SLC44A5: variants seen among roughly 807,000 people sequenced by gnomAD.
SLC44A5 encodes choline transporter-like protein 5.
A neutral mutation model predicts 101.8 loss-of-function variants in SLC44A5; 57 were observed. The ratio of observed to expected loss-of-function variants is 0.56; its 90% CI spans 0.45 to 0.70. The LOEUF (loss-of-function observed/expected upper bound fraction) is 0.70. SLC44A5 is among the 30% of genes least tolerant of loss of function. The pLI is 0.00. For synonymous variants in SLC44A5, 281 were observed against 290.9 expected, an observed-to-expected ratio of 0.97 and a Z score of 0.35; for missense variants, 737 against 853.1, an observed-to-expected ratio of 0.86 and a Z score of 1.70.
At chr1:75,392,665 G>T (rs1661868709) in intron 3 of SLC44A5, among the ~76,000 whole-genome samples, 1 of 152,022 alleles carries the variant, frequency 6.6e-6, no homozygotes, top group South Asian at 2.1e-4. Flanking sequence ...TATATCCAAA[G>T]GAAAAGAAAT....
the SLC44A5 span, among the ~76,000 whole-genome samples, chr1:75,647,118 G>A: frequency 6.6e-6 from 1 of 152,184 alleles, no homozygotes; most frequent in Non-Finnish European, 1.5e-5. Flanking sequence ...CTTGGGCCAG[G>A]CCCAAGGCTT....
chr1:75,485,430 C>T (rs1327306453), intron 2 of SLC44A5, among the ~76,000 whole-genome samples: 1 of 152,192 alleles, frequency 6.6e-6, no homozygotes, highest in Non-Finnish European at 1.5e-5. Context: ...GAAGAGTGAC[C>T]TTTGCTCCAG....
At chr1:75,473,218 G>A (rs1332995297) in intron 2 of SLC44A5, among the ~76,000 whole-genome samples, 1 of 152,184 alleles carries the variant, frequency 6.6e-6, no homozygotes, top group Admixed American at 6.5e-5. Context: ...CTACATGGGA[G>A]TTCCAGAGGG....
intron 12 of SLC44A5, among the ~76,000 whole-genome samples, chr1:75,228,597 C>T (rs1264278294): frequency 1.3e-5 from 2 of 151,726 alleles, no homozygotes; most frequent in Admixed American, 6.6e-5. Context: ...CTTAATTTTG[C>T]TTTTCGTATT....
intron 4 of SLC44A5, among the ~76,000 whole-genome samples, chr1:75,305,932 TA>T (rs1654865556): frequency 6.6e-6 from 1 of 152,262 alleles, no homozygotes; most frequent in Non-Finnish European, 1.5e-5. Context: ...TAATCTATTA[TA>T]GCCTAGATCA....
intron 2 of SLC44A5, among the ~76,000 whole-genome samples, chr1:75,458,417 T>TTA (rs569644707): frequency 1.4e-4 from 21 of 151,952 alleles, no homozygotes; most frequent in Admixed American, 1.3e-3. Flanking sequence ...TACTGAAGAG[T>TTA]TTCAATTAGG....
At chr1:75,203,895 C>T in intron 23 of SLC44A5, 62 bp from the exon 24 acceptor site, 2 of 1,483,358 alleles carry the variant, frequency 1.3e-6, no homozygotes, top group Non-Finnish European at 1.8e-6. Flanking sequence ...GTAACACCGC[C>T]ATCTGCTGTA....
At chr1:75,452,375 A>T (rs983353873) in intron 2 of SLC44A5, among the ~76,000 whole-genome samples, 1 of 152,168 alleles carries the variant, frequency 6.6e-6, no homozygotes, top group African/African-American at 2.4e-5. Flanking sequence ...TCACTAGATC[A>T]GTCTTACAAG....
chr1:75,402,769 T>A (rs910642533), intron 2 of SLC44A5, among the ~76,000 whole-genome samples: 1 of 152,008 alleles, frequency 6.6e-6, no homozygotes, highest in Non-Finnish European at 1.5e-5. Flanking sequence ...AACTAGGCGC[T>A]GTTTGGGCAG....
intron 2 of SLC44A5, among the ~76,000 whole-genome samples, chr1:75,426,552 TA>T (rs1450961264): frequency 6.6e-6 from 1 of 152,246 alleles, no homozygotes; most frequent in Non-Finnish European, 1.5e-5. Flanking sequence ...AAGACACATC[TA>T]ACCAGTTACA....
chr1:75,666,885 A>G, the SLC44A5 span, among the ~76,000 whole-genome samples: 3 of 152,286 alleles, frequency 2.0e-5, no homozygotes, highest in African/African-American at 4.8e-5. Flanking sequence ...AAAATTCAAC[A>G]TCCCTTCATG....
intron 7 of SLC44A5, among the ~76,000 whole-genome samples, chr1:75,248,013 G>T (rs774024884): frequency 6.6e-6 from 1 of 152,050 alleles, no homozygotes; most frequent in Non-Finnish European, 1.5e-5. Context: ...AATAACAGTA[G>T]TGAACAAAAC....
At chr1:75,601,766 C>T (rs1033724207) in intron 1 of SLC44A5, among the ~76,000 whole-genome samples, 1 of 152,070 alleles carries the variant, frequency 6.6e-6, no homozygotes, top group Admixed American at 6.6e-5. Flanking sequence ...CACAAATTTC[C>T]CTTCCATAAA....
chr1:75,403,169 T>C (rs1003644941), intron 2 of SLC44A5, among the ~76,000 whole-genome samples: 11 of 152,188 alleles, frequency 7.2e-5, no homozygotes, highest in African/African-American at 2.4e-4. Flanking sequence ...GGGCAGGGCA[T>C]CTCTGAAAGA....
intron 1 of SLC44A5, among the ~76,000 whole-genome samples, chr1:75,553,951 T>C (rs904447802): frequency 6.6e-6 from 1 of 151,994 alleles, no homozygotes; most frequent in Non-Finnish European, 1.5e-5. Context: ...AGCAGGGCAC[T>C]GTCAGGTTGC....
At position 75,241,679 on chromosome 1, in the gene SLC44A5, G is replaced by A. The variant is rs117449579; in HGVS notation, c.532+322C>T. 3.9e-4 allele frequency among the ~76,000 whole-genome samples: 59 copies of A among 152,164 alleles called. No individual in the cohort carries two copies. The East Asian group carries it at 9.7e-3, about 25-fold the overall frequency. Reference sequence around the variant, plus strand: ...ACTTTTCAGCTAAAATCAGGAGTGGGTGTATATGAGCATATCTGTGTGTGT... The same window carrying A: ...ACTTTTCAGCTAAAATCAGGAGTGGATGTATATGAGCATATCTGTGTGTGT... On this transcript the variant is annotated intron_variant, in intron 9 of 23. Transcript: ENST00000370859.
chr1:75,536,045 G>GA (rs201274280), intron 2 of SLC44A5, among the ~76,000 whole-genome samples: 3,635 of 105,470 alleles, frequency 0.034, 144 homozygotes, highest in African/African-American at 0.093. Context: ...TTCGTCTCTT[G>GA]AAAAAAAAAA....
intron 2 of SLC44A5, among the ~76,000 whole-genome samples, chr1:75,484,121 A>G (rs1279223986): frequency 6.6e-6 from 1 of 152,210 alleles, no homozygotes; most frequent in Non-Finnish European, 1.5e-5. Context: ...CCAAAATCTC[A>G]TGTCCTTTTC....
At chr1:75,539,541 A>C (rs1457863921) in intron 2 of SLC44A5, among the ~76,000 whole-genome samples, 7 of 152,194 alleles carry the variant, frequency 4.6e-5, no homozygotes, top group Admixed American at 3.9e-4. Context: ...GCCTTTTATT[A>C]CAAATTTCTA....
Sources: allele counts gnomAD v4.1 joint callset (sites outside exome capture counted in the v4.1 genomes callset), GRCh38; gene constraint gnomAD v4.1.1; transcripts MANE v1.5; gene names NCBI Gene and HGNC (gene_info 2026-07-23, HGNC 2026-07-21).